Variants in CNTN4 observed in about 807,000 individuals in gnomAD.
The protein encoded by CNTN4 is contactin 4, also known as contactin-4.
In CNTN4, 77 loss-of-function variants were observed where a neutral mutation model predicts 122.5. The ratio of observed to expected loss-of-function variants is 0.63; its 90% CI spans 0.52 to 0.76. The LOEUF (loss-of-function observed/expected upper bound fraction) is 0.76. Among genes scored for constraint, CNTN4 ranks in the 30% least tolerant of loss-of-function variants. The probability of loss-of-function intolerance (pLI) is 0.00; values close to 1 mark genes in which losing one functional copy is unlikely to be tolerated. For synonymous variants in CNTN4, 512 were observed against 447.0 expected, an observed-to-expected ratio of 1.15 and a Z score of -1.83; for missense variants, 1,256 against 1,259.1, an observed-to-expected ratio of 1.00 and a Z score of 0.04.
chr3:2,499,012 A>T (rs1200213697), intron 3 of CNTN4, among the ~76,000 whole-genome samples: 3 of 151,110 alleles, frequency 2.0e-5, no homozygotes, highest in African/African-American at 7.3e-5. Context: ...CTGATCTCGA[A>T]CTCCTGACCT....
chr3:2,778,096 C>T (rs71311723), intron 6 of CNTN4, among the ~76,000 whole-genome samples: 5,125 of 129,202 alleles, frequency 0.04, 172 homozygotes, highest in East Asian at 0.1. Flanking sequence ...CGCCTGTAGT[C>T]CCAGCTACTC....
intron 16 of CNTN4, among the ~76,000 whole-genome samples, chr3:3,032,442 GTCTAAAAGAAAA>G (rs1313069761): frequency 6.6e-6 from 1 of 152,206 alleles, no homozygotes; most frequent in Non-Finnish European, 1.5e-5. Context: ...TGCAAACGCA[GTCTAAAAGAAAA>G]TCTAGTCTAA....
chr3:2,875,685 G>T lies in CNTN4; in HGVS notation c.653-7460G>T, dbSNP rs563555271. ...AAACTTTGTTAACCCTTGACAAAAT[G>T]ATATCATTAAATATCTGAAGACTGT... On this transcript the variant is annotated intron_variant, in intron 8 of 24. Transcript: ENST00000418658. Among the ~76,000 whole-genome samples the T allele has an allele frequency of 2.6e-5, 4 of 152,228 alleles. No homozygotes were observed. The East Asian group carries it at 5.8e-4, about 22-fold the overall frequency.
intron 13 of CNTN4, among the ~76,000 whole-genome samples, chr3:2,926,714 C>T (rs1228561144): frequency 6.6e-6 from 1 of 152,124 alleles, no homozygotes; most frequent in East Asian, 1.9e-4. Flanking sequence ...ACATATTAGA[C>T]CTGATGATGA....
At chr3:2,399,226 G>A (rs952803817) in intron 3 of CNTN4, among the ~76,000 whole-genome samples, 2 of 152,010 alleles carry the variant, frequency 1.3e-5, no homozygotes, top group Admixed American at 6.6e-5. Flanking sequence ...CTCTGGGTTA[G>A]TTTAGATTCC....
intron 2 of CNTN4, among the ~76,000 whole-genome samples, chr3:2,108,154 A>G (rs1461851253): frequency 7.2e-6 from 1 of 139,566 alleles, no homozygotes; most frequent in Non-Finnish European, 1.5e-5. Flanking sequence ...GGAACTTTTC[A>G]TGTGCCTTTT....
intron 3 of CNTN4, among the ~76,000 whole-genome samples, chr3:2,443,148 TAAAAA>T (rs10576200): frequency 7.1e-6 from 1 of 139,876 alleles, no homozygotes; most frequent in South Asian, 2.3e-4. Flanking sequence ...AAATAAAAGT[TAAAAA>T]AAAAAAAAAA....
At chr3:2,582,548 A>G (rs2079991983) in intron 4 of CNTN4, among the ~76,000 whole-genome samples, 1 of 152,290 alleles carries the variant, frequency 6.6e-6, no homozygotes, top group South Asian at 2.1e-4. Flanking sequence ...AACTTCTTTA[A>G]TTAGAGAAAA....
chr3:2,976,004 G>A (rs1382884851), intron 13 of CNTN4, among the ~76,000 whole-genome samples: 1 of 152,096 alleles, frequency 6.6e-6, no homozygotes, highest in East Asian at 1.9e-4. Context: ...ATGAAATATA[G>A]CAATTTAAGA....
chr3:2,526,266 G>C (rs182899075), intron 3 of CNTN4, among the ~76,000 whole-genome samples: 94 of 152,206 alleles, frequency 6.2e-4, no homozygotes, highest in African/African-American at 2.2e-3. Context: ...TGTTTCAGAA[G>C]TTGTTAGAAT....
chr3:2,807,476 CTTT>C (rs201984402), intron 6 of CNTN4, among the ~76,000 whole-genome samples: 1 of 145,524 alleles, frequency 6.9e-6, no homozygotes, highest in Admixed American at 6.9e-5. Flanking sequence ...ATATACAGAA[CTTT>C]TTTTTTTTTG....
At chr3:3,012,069 C>A (rs1322281776) in intron 14 of CNTN4, among the ~76,000 whole-genome samples, 1 of 152,114 alleles carries the variant, frequency 6.6e-6, no homozygotes, top group Non-Finnish European at 1.5e-5. Flanking sequence ...AGGGGCAGAG[C>A]TAAAATTTGC....
chr3:2,945,313 A>C (rs570188366), intron 13 of CNTN4, among the ~76,000 whole-genome samples: 1 of 152,208 alleles, frequency 6.6e-6, no homozygotes, highest in East Asian at 1.9e-4. Context: ...TGAATTTCTC[A>C]TCATGTTCAA....
chr3:2,239,060 GTCTT>G (rs904163991), intron 2 of CNTN4: 2 of 151,898 alleles, frequency 1.3e-5, no homozygotes, highest in Non-Finnish European at 2.9e-5. Flanking sequence ...CTCAATCGTC[GTCTT>G]TTAAGTGAGT....
chr3:2,698,464 A>C (rs2086170538), intron 4 of CNTN4, among the ~76,000 whole-genome samples: 1 of 152,182 alleles, frequency 6.6e-6, no homozygotes, highest in Non-Finnish European at 1.5e-5. Context: ...TAGAGCTCAG[A>C]GTGACCACAG....
intron 23 of CNTN4, among the ~76,000 whole-genome samples, chr3:3,049,156 C>G (rs1201258914): frequency 6.6e-6 from 1 of 152,216 alleles, no homozygotes; most frequent in East Asian, 1.9e-4. Flanking sequence ...AATCTTGGCT[C>G]ACTGCAACCT....
At chr3:2,168,456 T>G (rs1181308117) in intron 2 of CNTN4, among the ~76,000 whole-genome samples, 2 of 151,896 alleles carry the variant, frequency 1.3e-5, no homozygotes, top group African/African-American at 4.9e-5. Flanking sequence ...GTCAGATGTT[T>G]ACTGAGAGAG....
intron 2 of CNTN4, among the ~76,000 whole-genome samples, chr3:2,310,208 T>G (rs189974417): frequency 6.6e-6 from 1 of 152,138 alleles, no homozygotes; most frequent in Non-Finnish European, 1.5e-5. Context: ...TGACTTGGCT[T>G]TAGCCCTCAA....
At position 2,815,873 on chromosome 3, in the gene CNTN4, CATAT is replaced by C. The variant is rs58111735; in HGVS notation, c.359-3598_359-3595del. 9.3e-4 allele frequency among the ~76,000 whole-genome samples: 132 copies of C among 141,210 alleles called. 7 individuals carry two copies. Among genetic ancestry groups the C allele is most frequent in the African/African-American group, 3.6e-3 (118 of 32,716 alleles). The allele number at this position is 141,210 out of a possible 152,430, so 92.6% of individuals were successfully genotyped here. On this transcript the variant is annotated intron_variant, in intron 6 of 24. Coordinates refer to ENST00000418658, the MANE Select transcript of CNTN4 (RefSeq NM_175607.3). ...CAATAAGTGGCTAAAGAAACTATGGCATATATATATATATATATGATGGAATACT... is the reference window on the plus strand; with the variant it reads ...CAATAAGTGGCTAAAGAAACTATGGCATATATATATATATGATGGAATACT...
Sources: allele counts gnomAD v4.1 joint callset (sites outside exome capture counted in the v4.1 genomes callset), GRCh38; gene constraint gnomAD v4.1.1; transcripts MANE v1.5; gene names NCBI Gene and HGNC (gene_info 2026-07-23, HGNC 2026-07-21).